Variants in ZDHHC14 observed in about 807,000 individuals in gnomAD.
ZDHHC14 encodes palmitoyltransferase ZDHHC14.
ZDHHC14 carries 16 observed loss-of-function variants against 47.7 expected under a neutral mutation model. The ratio of observed to expected loss-of-function variants is 0.34; its 90% CI spans 0.23 to 0.51. The LOEUF (loss-of-function observed/expected upper bound fraction) is 0.51, where lower values mean the gene tolerates loss of function less well. Among genes scored for constraint, ZDHHC14 ranks in the 20% least tolerant of loss-of-function variants. The pLI, the probability that ZDHHC14 is intolerant of heterozygous loss-of-function variation, is 0.97. For missense variants in ZDHHC14, 515 were observed against 662.5 expected, an observed-to-expected ratio of 0.78 and a Z score of 2.44; for synonymous variants, 293 against 278.9, an observed-to-expected ratio of 1.05 and a Z score of -0.50.
At chr6:157,625,860 AG>A (rs1785387313) in intron 3 of ZDHHC14, among the ~76,000 whole-genome samples, 1 of 152,136 alleles carries the variant, frequency 6.6e-6, no homozygotes, top group African/African-American at 2.4e-5. Context: ...GTTTCTAGAC[AG>A]GAACTGCTTT....
intron 2 of ZDHHC14, among the ~76,000 whole-genome samples, chr6:157,561,781 C>T (rs558704602): frequency 6.6e-6 from 1 of 152,294 alleles, no homozygotes; most frequent in East Asian, 1.9e-4. Flanking sequence ...GCCTCCACCT[C>T]CCAAGTAGCT....
At chr6:157,628,207 G>A in intron 3 of ZDHHC14, 142 bp from the exon 4 acceptor site, 1 of 835,816 alleles carries the variant, frequency 1.2e-6, no homozygotes, top group Non-Finnish European at 1.8e-6. Context: ...ATTTCTCTGA[G>A]TGGTTAATTT....
At chr6:157,597,766 A>G (rs764051953) in intron 3 of ZDHHC14, among the ~76,000 whole-genome samples, 59 of 152,262 alleles carry the variant, frequency 3.9e-4, no homozygotes, top group Admixed American at 9.2e-4. Context: ...AGGCCATGCC[A>G]GCCCCTGGGG....
At chr6:157,547,169 C>G (rs1462034693) in intron 2 of ZDHHC14, among the ~76,000 whole-genome samples, 1 of 152,236 alleles carries the variant, frequency 6.6e-6, no homozygotes, top group Non-Finnish European at 1.5e-5. Flanking sequence ...TAGATGCACC[C>G]GTGTGTGCAC....
intron 3 of ZDHHC14, among the ~76,000 whole-genome samples, chr6:157,610,219 C>A (rs1054911634): frequency 6.6e-6 from 1 of 152,150 alleles, no homozygotes; most frequent in African/African-American, 2.4e-5. Flanking sequence ...CCGAGGCAGG[C>A]GGATCATGAG....
Position 157,673,491 on chromosome 6 carries a change from C to A in ZDHHC14, c.*369C>A. 1 of 217,632 alleles carries A rather than the reference C, an allele frequency of 4.6e-6. No individual in the cohort carries two copies. The allele number at this position is 217,632 out of a possible 1,614,324, so 13.5% of individuals were successfully genotyped here. On this transcript the variant is annotated 3_prime_UTR_variant, in exon 9 of 9. Coordinates refer to ENST00000359775, the MANE Select transcript of ZDHHC14 (RefSeq NM_024630.3). The surrounding 1 kb of genome is among the most constrained non-coding windows in gnomAD (Gnocchi z 5.4). The stretch of plus-strand genomic sequence containing the variant: ...GCAATTGCACTTATGTGTTATGCTA[C>A]TAATATTTGAAACAGACCTGCCATT...
chr6:157,516,941 T>C (rs544392501), intron 1 of ZDHHC14, among the ~76,000 whole-genome samples: 21 of 152,278 alleles, frequency 1.4e-4, no homozygotes, highest in Admixed American at 1.0e-3. Context: ...GGGCACAGAT[T>C]TTTTTATTGT....
At chr6:157,654,474 C>A (rs964100048) in intron 8 of ZDHHC14, among the ~76,000 whole-genome samples, 5 of 152,114 alleles carry the variant, frequency 3.3e-5, no homozygotes, top group African/African-American at 1.2e-4. Flanking sequence ...GCTGAATCAC[C>A]CACTCCAGAG....
At chr6:157,445,645 C>G (rs1049100106) in intron 1 of ZDHHC14, among the ~76,000 whole-genome samples, 2 of 152,172 alleles carry the variant, frequency 1.3e-5, no homozygotes, top group African/African-American at 4.8e-5. Flanking sequence ...TCTGTTAAAA[C>G]AGAGTCTGGT....
At chr6:157,447,544 C>A (rs1467350803) in intron 1 of ZDHHC14, among the ~76,000 whole-genome samples, 1 of 152,122 alleles carries the variant, frequency 6.6e-6, no homozygotes, top group African/African-American at 2.4e-5. Context: ...CTTGGACAGG[C>A]AGGCTGGGCT....
rs570455367 is a variant in ZDHHC14, at chr6:157,663,945, A to G, written c.1069-8779A>G. On this transcript the variant is annotated intron_variant, in intron 8 of 8. Coordinates refer to ENST00000359775, the MANE Select transcript of ZDHHC14 (RefSeq NM_024630.3). Reference sequence around the variant, plus strand: ...CCGGAGGAGGGAGAGCTTAAGTACAATTTTCTAACAGAAACGTCCTAATTT... The same window carrying G: ...CCGGAGGAGGGAGAGCTTAAGTACAGTTTTCTAACAGAAACGTCCTAATTT... Among the ~76,000 whole-genome samples, 19 of 152,286 alleles carry G rather than the reference A, an allele frequency of 1.2e-4. No homozygotes were observed. In the East Asian group the frequency reaches 3.3e-3, roughly 26 times the overall value.
chr6:157,531,516 G>T (rs1193372501), intron 1 of ZDHHC14, among the ~76,000 whole-genome samples: 3 of 151,972 alleles, frequency 2.0e-5, no homozygotes, highest in Non-Finnish European at 4.4e-5. Context: ...GGCCCACTGA[G>T]TTGGTTCCCT....
At chr6:157,507,679 A>T (rs1212037031) in intron 1 of ZDHHC14, among the ~76,000 whole-genome samples, 1 of 152,114 alleles carries the variant, frequency 6.6e-6, no homozygotes, top group East Asian at 1.9e-4. Flanking sequence ...TTTTAGCTCT[A>T]TCTGAGCCTC....
At chr6:157,491,239 G>T (rs1242638347) in intron 1 of ZDHHC14, among the ~76,000 whole-genome samples, 1 of 152,198 alleles carries the variant, frequency 6.6e-6, no homozygotes, top group Non-Finnish European at 1.5e-5. Flanking sequence ...TGTTCGGCTG[G>T]TCTGGGTACA....
intron 1 of ZDHHC14, among the ~76,000 whole-genome samples, chr6:157,435,505 G>A (rs1778420997): frequency 6.6e-6 from 1 of 152,098 alleles, no homozygotes; most frequent in Admixed American, 6.5e-5. Context: ...GCTCAGTAAG[G>A]TGGGCACCCT....
intron 1 of ZDHHC14, among the ~76,000 whole-genome samples, chr6:157,437,686 A>G (rs1028405066): frequency 1.5e-4 from 23 of 152,232 alleles, no homozygotes; most frequent in African/African-American, 5.5e-4. Context: ...TCAAATAGGT[A>G]TGACTAAAGG....
intron 8 of ZDHHC14, among the ~76,000 whole-genome samples, chr6:157,656,184 G>A (rs1778081031): frequency 6.6e-6 from 1 of 152,144 alleles, no homozygotes; most frequent in African/African-American, 2.4e-5. Flanking sequence ...ATTCCTTTAG[G>A]AGTCACCTTC....
chr6:157,410,127 A>G (rs533463037), intron 1 of ZDHHC14, among the ~76,000 whole-genome samples: 1 of 152,196 alleles, frequency 6.6e-6, no homozygotes, highest in Non-Finnish European at 1.5e-5. Context: ...GGTCATGGAG[A>G]GACGCTCACA....
chr6:157,572,370 A>G (rs542286614), intron 2 of ZDHHC14, among the ~76,000 whole-genome samples: 13 of 152,294 alleles, frequency 8.5e-5, no homozygotes, highest in Admixed American at 6.5e-4. Flanking sequence ...TCATCAGCCA[A>G]GTTTAAGATC....
Sources: allele counts gnomAD v4.1 joint callset (sites outside exome capture counted in the v4.1 genomes callset), GRCh38; gene constraint gnomAD v4.1.1; non-coding constraint Gnocchi (gnomAD v3.1); transcripts MANE v1.5; gene names NCBI Gene and HGNC (gene_info 2026-07-23, HGNC 2026-07-21).